Variants in LRRTM4 observed in about 807,000 individuals in gnomAD.
LRRTM4 encodes leucine-rich repeat transmembrane neuronal protein 4.
A neutral mutation model predicts 47.6 loss-of-function variants in LRRTM4; 25 were observed. The observed-to-expected ratio is 0.53, with a 90% CI of 0.38 to 0.73. LRRTM4 has a LOEUF of 0.73. Ranked by LOEUF, LRRTM4 falls within the 30% of genes least tolerant of loss-of-function variation. LRRTM4 has a pLI of 0.00. For synonymous variants in LRRTM4, 311 were observed against 269.5 expected (o/e 1.15, Z -1.51); for missense variants, 638 against 713.4 (o/e 0.89, Z 1.20).
intron 3 of LRRTM4, among the ~76,000 whole-genome samples, chr2:77,399,073 C>CT (rs1673830647): frequency 6.6e-6 from 1 of 151,620 alleles, no homozygotes; most frequent in Non-Finnish European, 1.5e-5. Context: ...TCAATAAACT[C>CT]TATGTCTTTT....
At chr2:77,446,534 C>T (rs1676059295) in intron 3 of LRRTM4, among the ~76,000 whole-genome samples, 2 of 152,018 alleles carry the variant, frequency 1.3e-5, no homozygotes. Flanking sequence ...TAACTTAGTA[C>T]CATCAGCGAT....
intron 3 of LRRTM4, among the ~76,000 whole-genome samples, chr2:77,456,161 T>G (rs1298200876): frequency 1.3e-5 from 2 of 152,146 alleles, no homozygotes; most frequent in Non-Finnish European, 2.9e-5. Context: ...CAATTTATGC[T>G]TGTGATCATA....
intron 3 of LRRTM4, among the ~76,000 whole-genome samples, chr2:77,385,868 CT>C (rs1225599638): frequency 6.6e-6 from 1 of 150,842 alleles, no homozygotes; most frequent in Non-Finnish European, 1.5e-5. Flanking sequence ...CTGGCCCAGC[CT>C]CCCGACTAGC....
intron 3 of LRRTM4, among the ~76,000 whole-genome samples, chr2:76,894,817 T>G (rs1033459259): frequency 6.6e-6 from 1 of 151,864 alleles, no homozygotes; most frequent in Non-Finnish European, 1.5e-5. Flanking sequence ...TTTCAATAAT[T>G]ACAGCATATA....
chr2:76,962,860 A>G (rs1211507344), intron 3 of LRRTM4, among the ~76,000 whole-genome samples: 1 of 150,882 alleles, frequency 6.6e-6, no homozygotes, highest in South Asian at 2.1e-4. Flanking sequence ...AAAAGATGCT[A>G]AACTTTACAT....
intron 3 of LRRTM4, among the ~76,000 whole-genome samples, chr2:77,191,067 C>A (rs1455488052): frequency 6.6e-6 from 1 of 152,050 alleles, no homozygotes; most frequent in East Asian, 1.9e-4. Context: ...AACTTTCTAT[C>A]TGGAAAATAG....
chr2:77,342,872 T>C (rs1671426460), intron 3 of LRRTM4, among the ~76,000 whole-genome samples: 1 of 151,650 alleles, frequency 6.6e-6, no homozygotes, highest in South Asian at 2.1e-4. Context: ...CTCTATGCCA[T>C]GAACTACAAT....
In LRRTM4 at chr2:77,145,203, ATG is replaced by A. The variant is rs575140760; in HGVS notation, c.1551+373113_1551+373114del. Among the ~76,000 whole-genome samples, 854 of 147,724 alleles carry A rather than the reference ATG, an allele frequency of 5.8e-3. 18 individuals carry two copies. Among genetic ancestry groups the A allele is most frequent in the Admixed American group, 0.045 (661 of 14,638 alleles). ...AGGGTAGAGCATTTGACAGATATGT[ATG>A]TGTGTGTGTGTGTGTGTGTATATCT... On this transcript the variant is annotated intron_variant, in intron 3 of 3. Coordinates refer to ENST00000409884, the MANE Select transcript of LRRTM4 (RefSeq NM_001134745.3).
chr2:77,510,939 A>T (rs1678961427), intron 3 of LRRTM4, among the ~76,000 whole-genome samples: 2 of 152,052 alleles, frequency 1.3e-5, no homozygotes, highest in Admixed American at 1.3e-4. Flanking sequence ...ATTTACTTCC[A>T]CTAGAAGAAT....
chr2:77,006,473 A>T (rs906605676), intron 3 of LRRTM4, among the ~76,000 whole-genome samples: 3 of 152,150 alleles, frequency 2.0e-5, no homozygotes, highest in Admixed American at 6.6e-5. Context: ...GTAGATGAGG[A>T]TTAGAGGAAC....
chr2:77,329,991 G>A (rs1414345787), intron 3 of LRRTM4, among the ~76,000 whole-genome samples: 1 of 152,118 alleles, frequency 6.6e-6, no homozygotes, highest in Non-Finnish European at 1.5e-5. Flanking sequence ...GAAAGGAGCT[G>A]ACCTGGGTTT....
At chr2:77,439,797 A>G (rs1675760717) in intron 3 of LRRTM4, among the ~76,000 whole-genome samples, 1 of 152,116 alleles carries the variant, frequency 6.6e-6, no homozygotes, top group Non-Finnish European at 1.5e-5. Context: ...CATTTTTCAT[A>G]AATTATCCCA....
At chr2:77,284,537 TTAAA>T (rs143036270) in intron 3 of LRRTM4, among the ~76,000 whole-genome samples, 17,940 of 152,016 alleles carry the variant, frequency 0.12, 2,132 homozygotes, top group African/African-American at 0.3. Context: ...AAAATGATGA[TTAAA>T]TATATAGTCA....
chr2:77,060,314 T>C lies in LRRTM4; in HGVS notation c.1552-311398A>G, dbSNP rs574595527. ...GGGGTGTGGCATTTTCAAATTTTTG[T>C]GCTAAACATGCAATTATTTTGTAAT... On this transcript the variant is annotated intron_variant, in intron 3 of 3. Coordinates refer to ENST00000409884, the MANE Select transcript of LRRTM4 (RefSeq NM_001134745.3). 1.1e-3 allele frequency among the ~76,000 whole-genome samples: 162 copies of C among 152,280 alleles called. 1 individual carries two copies. The highest frequency in any genetic ancestry group is 3.7e-3 in the African/African-American group (152 of 41,570).
chr2:76,892,912 AT>A (rs1673300319), intron 3 of LRRTM4, among the ~76,000 whole-genome samples: 2 of 151,646 alleles, frequency 1.3e-5, no homozygotes, highest in African/African-American at 4.8e-5. Flanking sequence ...ACTGCACTCC[AT>A]CTAATGCTTT....
At chr2:77,400,517 AC>A (rs1334773522) in intron 3 of LRRTM4, among the ~76,000 whole-genome samples, 3 of 151,898 alleles carry the variant, frequency 2.0e-5, no homozygotes, top group African/African-American at 7.2e-5. Flanking sequence ...GAGGATGCTG[AC>A]AAGTCTCCTT....
At chr2:77,077,488 A>T (rs767763803) in intron 3 of LRRTM4, among the ~76,000 whole-genome samples, 1 of 152,166 alleles carries the variant, frequency 6.6e-6, no homozygotes, top group African/African-American at 2.4e-5. Context: ...TGGTATGAAT[A>T]TATCTCCTTT....
At chr2:77,073,369 T>G (rs1483346006) in intron 3 of LRRTM4, among the ~76,000 whole-genome samples, 1 of 151,882 alleles carries the variant, frequency 6.6e-6, no homozygotes, top group East Asian at 1.9e-4. Context: ...GTGTAAAATT[T>G]TGGTCTATAT....
At chr2:77,002,816 A>C (rs1368168357) in intron 3 of LRRTM4, among the ~76,000 whole-genome samples, 1 of 152,160 alleles carries the variant, frequency 6.6e-6, no homozygotes, top group Non-Finnish European at 1.5e-5. Context: ...CACAGAATCT[A>C]AGCTCTACCT....
Sources: gnomAD v4.1 joint callset for allele counts (sites outside exome capture counted in the v4.1 genomes callset) on GRCh38, gnomAD v4.1.1 for gene constraint, MANE v1.5 for transcripts, NCBI Gene and HGNC (gene_info 2026-07-23, HGNC 2026-07-21) for gene names.